Variants in ZNF10 observed in about 807,000 individuals in gnomAD.
ZNF10 encodes zinc finger protein 10, also known as zinc finger protein 10 (KOX 1).
ZNF10 carries 8 observed loss-of-function variants against 12.2 expected under a neutral mutation model. That is an observed-to-expected ratio of 0.66 (90% CI 0.39 to 1.18). The LOEUF is 1.18. Ranked by LOEUF, ZNF10 falls within the 50% of genes most tolerant of loss-of-function variation. The probability of loss-of-function intolerance (pLI) is 0.01; values close to 1 mark genes in which losing one functional copy is unlikely to be tolerated. For missense variants in ZNF10, 603 were observed against 678.9 expected (o/e 0.89, Z 1.24); for synonymous variants, 229 against 228.2 (o/e 1.00, Z -0.03).
intron 2 of ZNF10, 70 bp downstream of exon 2, chr12:133,144,595 T>C: frequency 6.8e-7 from 1 of 1,460,332 alleles, no homozygotes; most frequent in Non-Finnish European, 9.5e-7. Flanking sequence ...GCCAAAGATC[T>C]TCAGAAATTA....
chr12:133,146,977 C>T (rs1372769171), intron 2 of ZNF10, among the ~76,000 whole-genome samples: 1 of 152,196 alleles, frequency 6.6e-6, no homozygotes, highest in African/African-American at 2.4e-5. Flanking sequence ...TTGATTTTTA[C>T]CTTTTCCAGA....
At chr12:133,136,191 C>G (rs775118486) in intron 1 of ZNF10, among the ~76,000 whole-genome samples, 4 of 152,042 alleles carry the variant, frequency 2.6e-5, no homozygotes, top group East Asian at 1.9e-4. Context: ...ATCCTTCCCC[C>G]CTTCTCTCTC....
In ZNF10 at chr12:133,158,713, T is replaced by C. The variant is rs989244642; in HGVS notation, c.*1745T>C. The C allele has an allele frequency of 2.0e-5, 3 of 152,242 alleles. No individual in the cohort carries two copies. The highest frequency in any genetic ancestry group is 1.9e-4 in the East Asian group (1 of 5,194). 9.4% of individuals were successfully genotyped at this position (152,242 alleles called of 1,614,324 possible). ...TGATTGTTGAATGATAGATGAAGTA[T>C]TGCTGAAGCCAACCAGAGATCTTGA... On this transcript the variant is annotated 3_prime_UTR_variant, in exon 5 of 5. Coordinates refer to ENST00000248211, the MANE Select transcript of ZNF10 (RefSeq NM_015394.5).
At chr12:133,155,480 C>A in intron 4 of ZNF10, 23 bp from the exon 5 acceptor site, 1 of 1,556,860 alleles carries the variant, frequency 6.4e-7, no homozygotes, top group Non-Finnish European at 8.6e-7. Context: ...TTTAGTTACA[C>A]AAACATTTTT....
chr12:133,137,753 T>A (rs1298938712), intron 1 of ZNF10, among the ~76,000 whole-genome samples: 1 of 152,188 alleles, frequency 6.6e-6, no homozygotes, highest in East Asian at 1.9e-4. Context: ...GCTAGGAATA[T>A]AAGTGTTCGG....
intron 3 of ZNF10, among the ~76,000 whole-genome samples, chr12:133,151,412 G>A (rs901598217): frequency 6.6e-6 from 1 of 152,114 alleles, no homozygotes; most frequent in Non-Finnish European, 1.5e-5. Context: ...TTGGGAGGCC[G>A]AGGTGAGCAG....
At chr12:133,136,186 TC>T (rs1159988197) in intron 1 of ZNF10, among the ~76,000 whole-genome samples, 5 of 151,518 alleles carry the variant, frequency 3.3e-5, no homozygotes, top group South Asian at 4.2e-4. Context: ...ACCCCATCCT[TC>T]CCCCCTTCTC....
chr12:133,132,498 A>G (rs1295874748), intron 1 of ZNF10, among the ~76,000 whole-genome samples: 1 of 152,180 alleles, frequency 6.6e-6, no homozygotes, highest in Admixed American at 6.5e-5. Context: ...AACAAGAGCA[A>G]CAAGAGCGAA....
At chr12:133,154,092 T>G (rs1213411556) in intron 4 of ZNF10, among the ~76,000 whole-genome samples, 1 of 148,112 alleles carries the variant, frequency 6.8e-6, no homozygotes, top group Admixed American at 6.7e-5. Flanking sequence ...TACTGAGGAT[T>G]AAAACTTCAA....
At position 133,133,411 on chromosome 12, in the gene ZNF10, G is replaced by T. The variant is rs184803525; in HGVS notation, c.-60+2657G>T. Among the ~76,000 whole-genome samples the T allele has an allele frequency of 1.2e-3, 177 of 152,324 alleles. 1 individual carries two copies. The highest frequency in any genetic ancestry group is 4.1e-3 in the African/African-American group (171 of 41,568). On this transcript the variant is annotated intron_variant, in intron 1 of 4. Transcript: ENST00000248211. Reference sequence around the variant, plus strand: ...AGTATAGTCACATGTCAGAGTGAATGAATATGAAGTGCTAAGCACTTTGCT... The same window carrying T: ...AGTATAGTCACATGTCAGAGTGAATTAATATGAAGTGCTAAGCACTTTGCT...
intron 1 of ZNF10, among the ~76,000 whole-genome samples, chr12:133,141,871 G>A (rs948993668): frequency 7.9e-5 from 12 of 152,048 alleles, no homozygotes; most frequent in African/African-American, 2.7e-4. Flanking sequence ...AACATGAAAA[G>A]TATACCAAGG....
At chr12:133,153,047 T>G (rs1004640344) in intron 4 of ZNF10, among the ~76,000 whole-genome samples, 5 of 152,140 alleles carry the variant, frequency 3.3e-5, no homozygotes, top group Admixed American at 1.3e-4. Flanking sequence ...ATATTTTCTT[T>G]TTATTACTTA....
At chr12:133,139,047 T>C (rs920603662) in intron 1 of ZNF10, among the ~76,000 whole-genome samples, 1 of 152,222 alleles carries the variant, frequency 6.6e-6, no homozygotes, top group Non-Finnish European at 1.5e-5. Context: ...TCTTTACTTA[T>C]ATTGCTGGTG....
Position 133,151,805 on chromosome 12 carries a change from A to C in ZNF10, c.161-4A>C, listed in dbSNP as rs1458362046. ...CCCTGTTCTTTGTCTTTCACTGTGA[A>C]CAGGTTATCAGCTTACTAAGCCAGA... is the stretch of plus-strand genomic sequence containing the variant. On this transcript the variant is annotated splice_region_variant and splice_polypyrimidine_tract_variant and intron_variant, in intron 3 of 4. Coordinates refer to ENST00000248211, the MANE Select transcript of ZNF10 (RefSeq NM_015394.5). 6.2e-7 allele frequency: 1 copy of C among 1,612,790 alleles called. No homozygotes were observed. Among genetic ancestry groups the C allele is most frequent in the Non-Finnish European group, 8.5e-7 (1 of 1,179,114 alleles).
chr12:133,156,337 T>C lies in ZNF10; in HGVS notation c.1091T>C (p.Leu364Pro). 1 of 1,614,138 alleles carries C rather than the reference T, an allele frequency of 6.2e-7. No individual in the cohort carries two copies. The highest frequency in any genetic ancestry group is 8.5e-7 in the Non-Finnish European group (1 of 1,180,018). Residue 364 changes from leucine (L) to proline (P), a missense_variant, in exon 5 of 5, where the codon CTT becomes CCT. Coordinates refer to ENST00000248211, the MANE Select transcript of ZNF10 (RefSeq NM_015394.5). ...AAATCTTTTGTTCATAGCTCTAGGC[T>C]TATTAGACACCAGAGGACACATACT... The part of the protein sequence containing the change: ...CGKSFVHSSR[L>P]IRHQRTHTGE...
chr12:133,138,383 T>A (rs1415051817), intron 1 of ZNF10, among the ~76,000 whole-genome samples: 1 of 141,222 alleles, frequency 7.1e-6, no homozygotes, highest in Non-Finnish European at 1.6e-5. Flanking sequence ...TTTGAGACCC[T>A]GTCTAAAAAA....
chr12:133,148,194 C>G (rs1056884942), intron 2 of ZNF10, among the ~76,000 whole-genome samples: 1 of 152,182 alleles, frequency 6.6e-6, no homozygotes, highest in Admixed American at 6.5e-5. Flanking sequence ...GATCTGGGCT[C>G]ACTGCAACCT....
chr12:133,151,935 G>A (rs372022985), intron 4 of ZNF10, 31 bp downstream of exon 4: 3 of 1,584,024 alleles, frequency 1.9e-6, no homozygotes, highest in Non-Finnish European at 2.6e-6. Context: ...GTCATAGGCA[G>A]CAGCCCAGAT....
intron 4 of ZNF10, 128 bp from the exon 5 acceptor site, chr12:133,155,375 C>T: frequency 5.0e-6 from 5 of 1,004,684 alleles, no homozygotes; most frequent in East Asian, 2.6e-5. Flanking sequence ...TTCTCATTCT[C>T]TATCAAAGTT....
Sources: gnomAD v4.1 joint callset for allele counts (sites outside exome capture counted in the v4.1 genomes callset) on GRCh38, gnomAD v4.1.1 for gene constraint, MANE v1.5 for transcripts, NCBI Gene and HGNC (gene_info 2026-07-23, HGNC 2026-07-21) for gene names.